The following ABCA8 variants were observed in gnomAD, a reference collection of about 807,000 sequenced individuals.
ABCA8 encodes ABC-type organic anion transporter ABCA8.
A neutral mutation model predicts 192.3 loss-of-function variants in ABCA8; 177 were observed. That is an observed-to-expected ratio of 0.92 (90% CI 0.81 to 1.04). ABCA8 has a LOEUF of 1.04. ABCA8 is among the 50% of genes least tolerant of loss of function. ABCA8 has a pLI of 0.00. For synonymous variants in ABCA8, 642 were observed against 690.2 expected (o/e 0.93, Z 1.09); for missense variants, 1,915 against 1,904.8 (o/e 1.01, Z -0.10).
At chr17:68,938,233 G>A (rs79778592) in intron 4 of ABCA8, among the ~76,000 whole-genome samples, 191 of 152,004 alleles carry the variant, frequency 1.3e-3, no homozygotes, top group African/African-American at 4.3e-3. Flanking sequence ...TTGGTGAGGC[G>A]CCGTTGGAAA....
intron 24 of ABCA8, among the ~76,000 whole-genome samples, chr17:68,890,481 C>G (rs1046546554): frequency 1.3e-5 from 2 of 152,040 alleles, no homozygotes; most frequent in African/African-American, 4.8e-5. Context: ...ATTTTTCTCC[C>G]AGCCTGTGGC....
intron 4 of ABCA8, 103 bp downstream of exon 4, chr17:68,940,655 A>G (rs2068199242): frequency 2.8e-6 from 3 of 1,070,548 alleles, no homozygotes; most frequent in Middle Eastern, 2.3e-4. Context: ...TACTCCAGAA[A>G]GTTTAATTAT....
At position 68,879,642 on chromosome 17, in the gene ABCA8, A is replaced by T. The variant is rs144690535; in HGVS notation, c.4038+1478T>A. 4 of 152,476 alleles carry T rather than the reference A, an allele frequency of 2.6e-5. No homozygotes were observed. In the East Asian group the frequency reaches 7.7e-4, roughly 29 times the overall value. The allele number at this position is 152,476 out of a possible 1,614,324, so 9.4% of individuals were successfully genotyped here. A position where few individuals can be genotyped will look rare whatever the true frequency, so the allele number is the denominator to read the frequency against. On this transcript the variant is annotated intron_variant, in intron 32 of 39. Transcript: ENST00000586539. The stretch of plus-strand genomic sequence containing the variant: ...ACTCCGGGGGACTGGCAGGGGCCAG[A>T]AACAGGTAAGAGCCCTGCCCTTCGC...
At chr17:68,903,206 C>A in intron 20 of ABCA8, 95 bp downstream of exon 20, 1 of 1,311,486 alleles carries the variant, frequency 7.6e-7, no homozygotes, top group South Asian at 1.3e-5. Flanking sequence ...CCTAATTCAT[C>A]ATATCTTTGT....
At chr17:68,916,193 C>T (rs1440087191) in intron 17 of ABCA8, among the ~76,000 whole-genome samples, 1 of 151,510 alleles carries the variant, frequency 6.6e-6, no homozygotes, top group African/African-American at 2.4e-5. Context: ...AGAATGAGAT[C>T]TAGTATTTGA....
rs745396252 is a variant in ABCA8, at chr17:68,875,634, G to C, written c.4470C>G (p.Ile1490Met). The C allele has an allele frequency of 6.8e-6, 11 of 1,614,138 alleles. No individual in the cohort carries two copies. The highest frequency in any genetic ancestry group is 1.7e-5 in the Admixed American group (1 of 60,022). ...CTCACCTCAACCTCCCAGATACCATGATGGCCACTCGGTCACACACGGCCT... is the reference window on the plus strand; with the variant it reads ...CTCACCTCAACCTCCCAGATACCATCATGGCCACTCGGTCACACACGGCCT... ...EAEAVCDRVAIMVSGRLRCIG... is the reference protein window; with the variant it reads ...EAEAVCDRVAMMVSGRLRCIG... The change falls in exon 36 of 40, where the codon ATC becomes ATG. Residue 1490 changes from isoleucine to methionine, a missense_variant. Coordinates refer to ENST00000586539, the MANE Select transcript of ABCA8 (RefSeq NM_001288985.2).
At chr17:68,951,888 C>A (rs879599575) in intron 1 of ABCA8, among the ~76,000 whole-genome samples, 26 of 152,124 alleles carry the variant, frequency 1.7e-4, no homozygotes, top group Non-Finnish European at 3.4e-4. Flanking sequence ...ATGCATTAAA[C>A]CATGTATGAA....
chr17:68,922,441 A>G, intron 11 of ABCA8, 141 bp from the exon 12 acceptor site: 1 of 578,430 alleles, frequency 1.7e-6, no homozygotes, highest in Non-Finnish European at 2.9e-6. Flanking sequence ...TAGCTGTGTG[A>G]CAGAATCAGC....
At chr17:68,889,288 T>C (rs1472840147) in intron 24 of ABCA8, among the ~76,000 whole-genome samples, 2 of 152,206 alleles carry the variant, frequency 1.3e-5, no homozygotes, top group African/African-American at 2.4e-5. Context: ...CCTGGGTTAT[T>C]AATCATATAA....
rs1297683435 is a variant in ABCA8, at chr17:68,894,869, G to C, written c.2898+11C>G. On this transcript the variant is annotated intron_variant, in intron 22 of 39. Coordinates refer to ENST00000586539, the MANE Select transcript of ABCA8 (RefSeq NM_001288985.2). ...CACATTTTTCAGAAAGATTATTAGA[G>C]ACCTGCATACCTTTTCATTACAACA... 1.8e-5 allele frequency: 29 copies of C among 1,606,448 alleles called. No individual in the cohort carries two copies. The highest frequency in any genetic ancestry group is 2.2e-5 in the Non-Finnish European group (26 of 1,177,272).
rs539632459 is a variant in ABCA8, at chr17:68,936,539, C to T, written c.466+412G>A. Reference sequence around the variant, plus strand: ...TATTCTGTTCTATTTATGTACATGTCTATTTTTATACCAGTATCATGCTGT... The same window carrying T: ...TATTCTGTTCTATTTATGTACATGTTTATTTTTATACCAGTATCATGCTGT... On this transcript the variant is annotated intron_variant, in intron 5 of 39. Transcript: ENST00000586539. 1.8e-3 allele frequency among the ~76,000 whole-genome samples: 278 copies of T among 152,140 alleles called. 1 individual carries two copies. Among genetic ancestry groups the T allele is most frequent in the African/African-American group, 6.0e-3 (251 of 41,562 alleles).
Position 68,894,221 on chromosome 17 carries a change from C to T in ABCA8, c.2988G>A (p.Met996Ile), listed in dbSNP as rs749671878. ...MDIVSNGLLG[M>I]VKPSVHIRTE... ...TTCGGATATGTACTGATGGTTTAAC[C>T]ATTCCAAGTAGCCCATTACTAACAA... The change falls in exon 23 of 40, where the codon ATG (methionine) becomes ATA (isoleucine). Residue 996 changes from methionine (M) to isoleucine (I), a missense_variant. Transcript: ENST00000586539. The T allele has an allele frequency of 6.2e-7, 1 of 1,613,240 alleles. No homozygotes were observed. The highest frequency in any genetic ancestry group is 8.5e-7 in the Non-Finnish European group (1 of 1,179,672).
intron 7 of ABCA8, chr17:68,931,761 C>CATTT (rs1491446635): frequency 1.0e-4 from 10 of 96,232 alleles, no homozygotes; most frequent in African/African-American, 3.5e-4. Flanking sequence ...AATACATTTC[C>CATTT]TTTTTTTTTT....
chr17:68,949,093 T>C (rs1314300290), intron 2 of ABCA8, among the ~76,000 whole-genome samples: 1 of 152,180 alleles, frequency 6.6e-6, no homozygotes, highest in Non-Finnish European at 1.5e-5. Context: ...CCTGTTTCAT[T>C]GGTCTATATA....
At position 68,885,334 on chromosome 17, in the gene ABCA8, A is replaced by G. The variant is rs1448172889; in HGVS notation, c.3430-19T>C. The G allele has an allele frequency of 1.3e-6, 2 of 1,590,468 alleles. No individual in the cohort carries two copies. The highest frequency in any genetic ancestry group is 2.7e-5 in the African/African-American group (2 of 73,768). ...CAGTGACCTAAAAGAAGCAAATATG[A>G]AGGTTAATCACTCTGAATTTCAATG... On this transcript the variant is annotated intron_variant, in intron 26 of 39. Coordinates refer to ENST00000586539, the MANE Select transcript of ABCA8 (RefSeq NM_001288985.2).
At chr17:68,879,464 C>T (rs1379979661) in intron 32 of ABCA8, 1 of 152,142 alleles carries the variant, frequency 6.6e-6, no homozygotes, top group Non-Finnish European at 1.5e-5. Context: ...TGGCTGCAGC[C>T]CGTCTGCAGC....
chr17:68,872,347 C>T (rs959417056), intron 37 of ABCA8, among the ~76,000 whole-genome samples: 10 of 148,728 alleles, frequency 6.7e-5, no homozygotes, highest in Admixed American at 1.4e-4. Context: ...AACCAAACAC[C>T]GCATATTCTC....
At chr17:68,950,181 G>A (rs776574537) in intron 1 of ABCA8, among the ~76,000 whole-genome samples, 10 of 152,068 alleles carry the variant, frequency 6.6e-5, no homozygotes, top group Non-Finnish European at 8.8e-5. Flanking sequence ...ACTGCTCAAG[G>A]AAATAAGAAA....
chr17:68,905,989 A>C, intron 19 of ABCA8, 55 bp downstream of exon 19: 1 of 1,450,468 alleles, frequency 6.9e-7, no homozygotes. Context: ...TCTTTGGAAC[A>C]GTGTGTTCTT....
Sources: gnomAD v4.1 joint callset for allele counts (sites outside exome capture counted in the v4.1 genomes callset) on GRCh38, gnomAD v4.1.1 for gene constraint, MANE v1.5 for transcripts, NCBI Gene and HGNC (gene_info 2026-07-23, HGNC 2026-07-21) for gene names.